Variants in DEK observed in about 807,000 individuals in gnomAD.
DEK encodes protein DEK.
A neutral mutation model predicts 46.8 loss-of-function variants in DEK; 28 were observed. The ratio of observed to expected loss-of-function variants is 0.60; its 90% CI spans 0.44 to 0.82. The LOEUF is 0.82. DEK is among the 40% of genes least tolerant of loss of function. The probability of loss-of-function intolerance (pLI) is 0.00; values close to 1 mark genes in which losing one functional copy is unlikely to be tolerated. For synonymous variants in DEK, 160 were observed against 144.5 expected (o/e 1.11, Z -0.77); for missense variants, 416 against 430.6 (o/e 0.97, Z 0.30).
intron 6 of DEK, among the ~76,000 whole-genome samples, chr6:18,250,515 A>G (rs1791324835): frequency 6.6e-6 from 1 of 151,426 alleles, no homozygotes; most frequent in African/African-American, 2.4e-5. Flanking sequence ...CTGCCAAAGA[A>G]GCTCCTTGCT....
intron 6 of DEK, among the ~76,000 whole-genome samples, chr6:18,250,143 T>C (rs1484724833): frequency 6.6e-6 from 1 of 152,198 alleles, no homozygotes; most frequent in Non-Finnish European, 1.5e-5. Flanking sequence ...CTGTTAATAC[T>C]TTGTCATGAT....
Position 18,264,255 on chromosome 6 carries a change from G to C in DEK, c.-10+130C>G, listed in dbSNP as rs879336759. ...CGCCCGCCCGGCCTGCGCTGTTCCCGGCCCGGCCCGAGCTGCCGGCCCTCC... is the reference window on the plus strand; with the variant it reads ...CGCCCGCCCGGCCTGCGCTGTTCCCCGCCCGGCCCGAGCTGCCGGCCCTCC... On this transcript the variant is annotated intron_variant, in intron 1 of 10. Transcript: ENST00000652689. 1.7e-3 allele frequency: 393 copies of C among 236,808 alleles called. 1 individual carries two copies. The highest frequency in any genetic ancestry group is 2.5e-3 in the Non-Finnish European group (310 of 124,152). 14.7% of individuals were successfully genotyped at this position (236,808 alleles called of 1,614,324 possible). A position where few individuals can be genotyped will look rare whatever the true frequency, so the allele number is the denominator to read the frequency against.
chr6:18,228,883 A>C (rs1227089115), intron 9 of DEK, among the ~76,000 whole-genome samples: 1 of 152,206 alleles, frequency 6.6e-6, no homozygotes, highest in Admixed American at 6.5e-5. Flanking sequence ...GGAAGCTCGA[A>C]CTGGGTGGAG....
chr6:18,236,645 A>G (rs1238222828), intron 8 of DEK, 45 bp from the exon 9 acceptor site: 2 of 1,261,706 alleles, frequency 1.6e-6, no homozygotes, highest in East Asian at 3.0e-5. Flanking sequence ...ATAGTAAATT[A>G]ACATTTAACA....
At chr6:18,253,462 T>C (rs1372464919) in intron 6 of DEK, among the ~76,000 whole-genome samples, 1 of 152,186 alleles carries the variant, frequency 6.6e-6, no homozygotes, top group East Asian at 1.9e-4. Context: ...ATGACAGTGT[T>C]CAATAAAACG....
chr6:18,250,379 G>A (rs1017035573), intron 6 of DEK, among the ~76,000 whole-genome samples: 3 of 151,964 alleles, frequency 2.0e-5, no homozygotes, highest in African/African-American at 4.8e-5. Flanking sequence ...TGAGGCAGGA[G>A]AAAGGCGTGA....
In DEK at chr6:18,259,394, C is replaced by CAAAAAAAA. The variant is rs56704006; in HGVS notation, c.146-997_146-990dup. Among the ~76,000 whole-genome samples, 22 of 41,476 alleles carry CAAAAAAAA rather than the reference C, an allele frequency of 5.3e-4. 2 individuals are homozygous for CAAAAAAAA. The highest frequency in any genetic ancestry group is 1.4e-3 in the South Asian group (2 of 1,414). The allele number at this position is 41,476 out of a possible 152,430, so 27.2% of individuals were successfully genotyped here. On this transcript the variant is annotated intron_variant, in intron 2 of 10. Transcript: ENST00000652689. ...TGGGCGACACAGCAAGACTCCGTCT[C>CAAAAAAAA]AAAAAAAAAAAAAAAAAAAAAAAAA...
At chr6:18,234,671 T>C (rs555276033) in intron 9 of DEK, among the ~76,000 whole-genome samples, 144 of 152,260 alleles carry the variant, frequency 9.5e-4, no homozygotes, top group Middle Eastern at 6.8e-3. Flanking sequence ...TCCCCTCCAG[T>C]TGTATCTGGA....
intron 7 of DEK, among the ~76,000 whole-genome samples, chr6:18,247,423 A>G (rs1791169656): frequency 6.6e-6 from 1 of 152,170 alleles, no homozygotes; most frequent in Non-Finnish European, 1.5e-5. Context: ...TAATGTCTGA[A>G]AGCATTTTTA....
intron 7 of DEK, among the ~76,000 whole-genome samples, chr6:18,248,577 TA>T (rs1447829548): frequency 6.6e-6 from 1 of 152,190 alleles, no homozygotes; most frequent in African/African-American, 2.4e-5. Context: ...CCCTCTTTCT[TA>T]AATGATGAAG....
At chr6:18,238,365 T>C (rs79946251) in intron 7 of DEK, among the ~76,000 whole-genome samples, 3 of 152,058 alleles carry the variant, frequency 2.0e-5, no homozygotes, top group South Asian at 4.1e-4. Context: ...CACTAACCCA[T>C]AGGTGATTAG....
intron 9 of DEK, among the ~76,000 whole-genome samples, chr6:18,229,102 A>G (rs899236232): frequency 3.9e-5 from 6 of 152,352 alleles, no homozygotes; most frequent in African/African-American, 1.4e-4. Context: ...TGCAGCCTCC[A>G]CTGCTGATAC....
intron 7 of DEK, among the ~76,000 whole-genome samples, chr6:18,243,594 C>A (rs1790991437): frequency 6.6e-6 from 1 of 152,218 alleles, no homozygotes; most frequent in Non-Finnish European, 1.5e-5. Context: ...ACTTTCCTCT[C>A]CATTCCCAAG....
At chr6:18,261,137 T>C (rs1028704874) in intron 2 of DEK, among the ~76,000 whole-genome samples, 15 of 151,952 alleles carry the variant, frequency 9.9e-5, no homozygotes, top group African/African-American at 3.6e-4. Context: ...TCCAGCATGG[T>C]AGAGCCACAA....
chr6:18,239,966 G>GT (rs1202258254), intron 7 of DEK, among the ~76,000 whole-genome samples: 1 of 152,154 alleles, frequency 6.6e-6, no homozygotes, highest in African/African-American at 2.4e-5. Flanking sequence ...GTACAAGAAA[G>GT]TAAGTTATTA....
At chr6:18,230,943 C>T (rs904316386) in intron 9 of DEK, among the ~76,000 whole-genome samples, 10 of 152,164 alleles carry the variant, frequency 6.6e-5, no homozygotes, top group African/African-American at 9.7e-5. Flanking sequence ...AGCACTACAT[C>T]GCACTTATTC....
rs1790705760 is a variant in DEK, at chr6:18,237,465, TAG to T, written c.812_813del (p.Ser271Ter). On this transcript the variant is annotated frameshift_variant, in exon 8 of 11. Coordinates refer to ENST00000652689, the MANE Select transcript of DEK (RefSeq NM_003472.4). LOFTEE classifies it high-confidence loss of function. ...GCACTTTTCACAGATTTTTTACTTT[TAG>T]AAGTAGCTTTCTGTTTAGGTTTTTC... Reference protein sequence around the residue: ...KREKPKQKATSKSKKSVKSAN... With the variant: ...KREKPKQKATXKSKKSVKSAN... 6.2e-7 allele frequency: 1 copy of T among 1,611,498 alleles called. No homozygotes were observed. Among genetic ancestry groups the T allele is most frequent in the Non-Finnish European group, 8.5e-7 (1 of 1,179,542 alleles).
chr6:18,241,285 T>A (rs73366545), intron 7 of DEK, among the ~76,000 whole-genome samples: 3,106 of 152,268 alleles, frequency 0.02, 101 homozygotes, highest in African/African-American at 0.07. Context: ...GTAACCAGAA[T>A]TTGGAGGTAA....
chr6:18,262,694 T>C (rs550716279), intron 2 of DEK, among the ~76,000 whole-genome samples: 11 of 152,244 alleles, frequency 7.2e-5, no homozygotes, highest in Non-Finnish European at 1.5e-4. Flanking sequence ...AACAAAAAAT[T>C]GGAGAAAAAG....
Sources: allele counts gnomAD v4.1 joint callset (sites outside exome capture counted in the v4.1 genomes callset), GRCh38; gene constraint gnomAD v4.1.1; transcripts MANE v1.5; gene names NCBI Gene and HGNC (gene_info 2026-07-23, HGNC 2026-07-21).